Variants in ALKBH3 observed in about 807,000 individuals in gnomAD.
The protein encoded by ALKBH3 is alkB homolog 3, alpha-ketoglutarate dependent dioxygenase.
A neutral mutation model predicts 43.9 loss-of-function variants in ALKBH3; 51 were observed. The observed-to-expected ratio is 1.16, with a 90% CI of 0.93 to 1.47. The LOEUF (loss-of-function observed/expected upper bound fraction) is 1.47. Ranked by LOEUF, ALKBH3 falls within the 40% of genes most tolerant of loss-of-function variation. The pLI, the probability that ALKBH3 is intolerant of heterozygous loss-of-function variation, is 0.00. For synonymous variants in ALKBH3, 102 were observed against 115.2 expected (o/e 0.89, Z 0.73); for missense variants, 361 against 351.9 (o/e 1.03, Z -0.21).
chr11:43,913,213 G>C (rs1268523602), intron 8 of ALKBH3, among the ~76,000 whole-genome samples: 1 of 149,206 alleles, frequency 6.7e-6, no homozygotes, highest in African/African-American at 2.5e-5. Flanking sequence ...TTTAATTTTT[G>C]TTTTAGGTTA....
At chr11:43,883,419 G>A (rs1475302454) in intron 3 of ALKBH3, among the ~76,000 whole-genome samples, 1 of 152,152 alleles carries the variant, frequency 6.6e-6, no homozygotes, top group Non-Finnish European at 1.5e-5. Flanking sequence ...TTGGCAAGGA[G>A]GTTACACCAT....
intron 8 of ALKBH3, among the ~76,000 whole-genome samples, chr11:43,913,297 C>T (rs193017668): frequency 3.9e-4 from 59 of 152,002 alleles, no homozygotes; most frequent in African/African-American, 1.1e-3. Flanking sequence ...TTTCATCACC[C>T]GGCTAATAAG....
intron 8 of ALKBH3, among the ~76,000 whole-genome samples, chr11:43,906,366 T>C (rs1024898394): frequency 1.3e-5 from 2 of 152,182 alleles, no homozygotes; most frequent in African/African-American, 4.8e-5. Flanking sequence ...GAAAAGAAGA[T>C]ATTGGAATCC....
At chr11:43,887,456 T>C (rs1951753886) in intron 5 of ALKBH3, among the ~76,000 whole-genome samples, 1 of 152,048 alleles carries the variant, frequency 6.6e-6, no homozygotes, top group Non-Finnish European at 1.5e-5. Flanking sequence ...TACAGGCATG[T>C]GCCACCAAGC....
chr11:43,892,345 C>A (rs1235023916), intron 7 of ALKBH3, among the ~76,000 whole-genome samples: 1 of 152,146 alleles, frequency 6.6e-6, no homozygotes, highest in Non-Finnish European at 1.5e-5. Flanking sequence ...CAGAGTCTAG[C>A]ATTTCAGGAA....
At chr11:43,906,316 C>A (rs1204017225) in intron 8 of ALKBH3, among the ~76,000 whole-genome samples, 1 of 152,034 alleles carries the variant, frequency 6.6e-6, no homozygotes, top group African/African-American at 2.4e-5. Flanking sequence ...ATAAAAAGGT[C>A]AGTCAAGTCA....
At chr11:43,917,327 T>C (rs1351573935) in intron 8 of ALKBH3, among the ~76,000 whole-genome samples, 2 of 152,254 alleles carry the variant, frequency 1.3e-5, no homozygotes, top group African/African-American at 2.4e-5. Flanking sequence ...TAGCACCTCC[T>C]TCTCCCCAAC....
At chr11:43,896,983 G>T (rs1951823478) in intron 7 of ALKBH3, among the ~76,000 whole-genome samples, 1 of 151,728 alleles carries the variant, frequency 6.6e-6, no homozygotes, top group South Asian at 2.1e-4. Context: ...TGTTGCCCAG[G>T]CTAGAGTGAG....
At chr11:43,911,927 C>T (rs1415392803) in intron 8 of ALKBH3, among the ~76,000 whole-genome samples, 1 of 152,080 alleles carries the variant, frequency 6.6e-6, no homozygotes, top group East Asian at 1.9e-4. Context: ...TCGAGACCAG[C>T]CTGACCAACA....
intron 7 of ALKBH3, among the ~76,000 whole-genome samples, chr11:43,896,227 A>G (rs1255542147): frequency 6.6e-6 from 1 of 151,918 alleles, no homozygotes; most frequent in Non-Finnish European, 1.5e-5. Context: ...GGTATCTGCC[A>G]CTATTAGGGT....
chr11:43,888,308 G>A (rs61883983), intron 5 of ALKBH3, among the ~76,000 whole-genome samples: 1 of 26,954 alleles, frequency 3.7e-5, no homozygotes, highest in Non-Finnish European at 1.2e-4. Flanking sequence ...TCGCCATGTT[G>A]CCCAGGCTGG....
At chr11:43,896,416 A>C (rs1225866535) in intron 7 of ALKBH3, among the ~76,000 whole-genome samples, 5 of 152,172 alleles carry the variant, frequency 3.3e-5, no homozygotes, top group Admixed American at 3.3e-4. Flanking sequence ...AAACTGAAGA[A>C]CTTGGAGTCC....
intron 7 of ALKBH3, among the ~76,000 whole-genome samples, chr11:43,892,651 T>C (rs7482199): frequency 0.25 from 37,377 of 152,246 alleles, 5,218 homozygotes; most frequent in Admixed American, 0.43. Context: ...TGAAAGTAGA[T>C]GAAGATATTC....
intron 8 of ALKBH3, among the ~76,000 whole-genome samples, chr11:43,908,626 C>A (rs1177453113): frequency 6.6e-6 from 1 of 152,088 alleles, no homozygotes; most frequent in Admixed American, 6.5e-5. Context: ...ATTTCACATG[C>A]ACATTCAGTG....
chr11:43,917,269 A>G (rs1038637254), intron 8 of ALKBH3, among the ~76,000 whole-genome samples: 2 of 152,150 alleles, frequency 1.3e-5, no homozygotes, highest in African/African-American at 4.8e-5. Flanking sequence ...TTCCTGCTTC[A>G]TGTTTCCAGG....
chr11:43,901,535 C>A lies in ALKBH3; in HGVS notation c.479C>A (p.Thr160Lys), dbSNP rs756078537. 1 of 1,613,906 alleles carries A rather than the reference C, an allele frequency of 6.2e-7. No individual in the cohort carries two copies. The highest frequency in any genetic ancestry group is 1.1e-5 in the South Asian group (1 of 91,066). ...TTGCAGTGGCACCCTGTGCTGCGCACACTAAAGAACCGCATTGAAGAGAAC... is the reference window on the plus strand; with the variant it reads ...TTGCAGTGGCACCCTGTGCTGCGCAAACTAAAGAACCGCATTGAAGAGAAC... ...PNPHWHPVLRTLKNRIEENTG... is the reference protein window; with the variant it reads ...PNPHWHPVLRKLKNRIEENTG... Residue 160 changes from threonine to lysine, a missense_variant, in exon 8 of 10, where the codon ACA (threonine) becomes AAA (lysine). By Grantham distance (78) the Thr-to-Lys change is moderately conservative. Coordinates refer to ENST00000302708, the MANE Select transcript of ALKBH3 (RefSeq NM_139178.4).
chr11:43,913,678 G>A (rs1049511089), intron 8 of ALKBH3, among the ~76,000 whole-genome samples: 1 of 152,210 alleles, frequency 6.6e-6, no homozygotes, highest in Non-Finnish European at 1.5e-5. Flanking sequence ...TGCATGGAAT[G>A]GCAAAGGGGA....
At chr11:43,914,067 C>T (rs911328074) in intron 8 of ALKBH3, among the ~76,000 whole-genome samples, 7 of 152,200 alleles carry the variant, frequency 4.6e-5, no homozygotes, top group Non-Finnish European at 1.0e-4. Flanking sequence ...CCAGCCCACA[C>T]CTCTCACTTA....
chr11:43,892,759 T>C (rs1235148883), intron 7 of ALKBH3, among the ~76,000 whole-genome samples: 2 of 152,246 alleles, frequency 1.3e-5, no homozygotes, highest in African/African-American at 4.8e-5. Context: ...AATAATGTTA[T>C]GTTTTATTGA....
Sources: gnomAD v4.1 joint callset for allele counts (sites outside exome capture counted in the v4.1 genomes callset) on GRCh38, gnomAD v4.1.1 for gene constraint, MANE v1.5 for transcripts, NCBI Gene and HGNC (gene_info 2026-07-23, HGNC 2026-07-21) for gene names.